RALYL: variants seen among roughly 807,000 people sequenced by gnomAD.
RALYL encodes RNA-binding Raly-like protein.
Under a neutral mutation model 35.1 loss-of-function variants are expected in RALYL, and 29 were observed. The observed-to-expected ratio is 0.83, with a 90% CI of 0.61 to 1.13. RALYL has a LOEUF of 1.13. Among genes scored for constraint, RALYL ranks in the 50% most tolerant of loss-of-function variants. The pLI, the probability that RALYL is intolerant of heterozygous loss-of-function variation, is 0.00. For missense variants in RALYL, 359 were observed against 360.4 expected, an observed-to-expected ratio of 1.00 and a Z score of 0.03; for synonymous variants, 120 against 127.6, an observed-to-expected ratio of 0.94 and a Z score of 0.40.
chr8:84,875,096 TA>T lies in RALYL; in HGVS notation c.685+1707del, dbSNP rs199693196. Among the ~76,000 whole-genome samples, 26 of 151,968 alleles carry T rather than the reference TA, an allele frequency of 1.7e-4. No homozygotes were observed. The South Asian group carries it at 2.5e-3, about 15-fold the overall frequency. On this transcript the variant is annotated intron_variant, in intron 7 of 8. Transcript: ENST00000521268. ...AGGCATACTTGCCTATACTTTTTAATAAAAAAAATAGATTTTAGAAAGTTTT... is the reference window on the plus strand; with the variant it reads ...AGGCATACTTGCCTATACTTTTTAATAAAAAAATAGATTTTAGAAAGTTTT...
At chr8:84,784,149 T>C (rs1276890570) in intron 3 of RALYL, among the ~76,000 whole-genome samples, 4 of 152,246 alleles carry the variant, frequency 2.6e-5, no homozygotes, top group African/African-American at 9.6e-5. Context: ...TGGTTGCTCC[T>C]CTAAAGCCCC....
At chr8:84,291,637 T>C (rs1838791678) in intron 1 of RALYL, among the ~76,000 whole-genome samples, 1 of 152,076 alleles carries the variant, frequency 6.6e-6, no homozygotes, top group Non-Finnish European at 1.5e-5. Context: ...TTAAATATTA[T>C]GTATATTGAT....
intron 2 of RALYL, among the ~76,000 whole-genome samples, chr8:84,622,421 A>G (rs1393915578): frequency 6.6e-6 from 1 of 152,186 alleles, no homozygotes; most frequent in Non-Finnish European, 1.5e-5. Context: ...AGGCCAGGCT[A>G]TGTTCTAAGT....
intron 1 of RALYL, among the ~76,000 whole-genome samples, chr8:84,477,007 A>G (rs1340872217): frequency 6.6e-6 from 1 of 152,264 alleles, no homozygotes; most frequent in African/African-American, 2.4e-5. Flanking sequence ...AAGGAACACA[A>G]AGTAGAGCTC....
chr8:84,707,255 CAA>C (rs759543411), intron 2 of RALYL, among the ~76,000 whole-genome samples: 10 of 152,124 alleles, frequency 6.6e-5, no homozygotes, highest in Non-Finnish European at 1.5e-4. Flanking sequence ...GATAAAGAAA[CAA>C]TATATGATAA....
intron 2 of RALYL, among the ~76,000 whole-genome samples, chr8:84,664,159 T>C (rs565659411): frequency 6.6e-6 from 1 of 152,232 alleles, no homozygotes; most frequent in South Asian, 2.1e-4. Flanking sequence ...TTCTCTATTA[T>C]GTTCCATTGG....
chr8:84,533,049 A>AT (rs1205895001), intron 2 of RALYL, among the ~76,000 whole-genome samples: 1 of 152,152 alleles, frequency 6.6e-6, no homozygotes, highest in Non-Finnish European at 1.5e-5. Context: ...GTCAGAATCT[A>AT]TCTATGAAAT....
intron 3 of RALYL, among the ~76,000 whole-genome samples, chr8:84,779,459 T>C (rs1328863976): frequency 6.6e-6 from 1 of 152,216 alleles, no homozygotes; most frequent in Non-Finnish European, 1.5e-5. Flanking sequence ...ACATGTAGTA[T>C]ATATAGTTTC....
At chr8:84,863,964 C>G (rs1838644062) in intron 6 of RALYL, among the ~76,000 whole-genome samples, 1 of 152,164 alleles carries the variant, frequency 6.6e-6, no homozygotes, top group Non-Finnish European at 1.5e-5. Flanking sequence ...AAGTTTCTAT[C>G]TCTCAAAAAG....
intron 1 of RALYL, among the ~76,000 whole-genome samples, chr8:84,502,124 T>A (rs975679899): frequency 3.9e-5 from 6 of 151,986 alleles, no homozygotes; most frequent in Non-Finnish European, 5.9e-5. Context: ...ATAGTTATAT[T>A]TCTATATGCT....
intron 1 of RALYL, among the ~76,000 whole-genome samples, chr8:84,403,340 G>A (rs906290897): frequency 1.3e-5 from 2 of 151,900 alleles, no homozygotes; most frequent in African/African-American, 4.8e-5. Flanking sequence ...TTTGGATAAG[G>A]TGTAAGGAAA....
chr8:84,215,322 ATGG>A (rs1820538316), intron 1 of RALYL, among the ~76,000 whole-genome samples: 1 of 152,176 alleles, frequency 6.6e-6, no homozygotes, highest in Non-Finnish European at 1.5e-5. Flanking sequence ...TGATTCAAAT[ATGG>A]AAACATTTTA....
intron 1 of RALYL, among the ~76,000 whole-genome samples, chr8:84,372,660 A>C (rs774211191): frequency 6.6e-6 from 1 of 151,914 alleles, no homozygotes; most frequent in Non-Finnish European, 1.5e-5. Flanking sequence ...ACTTGAGTTG[A>C]TGAGTTCCAG....
intron 1 of RALYL, among the ~76,000 whole-genome samples, chr8:84,496,189 G>A (rs1030500798): frequency 2.0e-5 from 3 of 152,046 alleles, no homozygotes; most frequent in African/African-American, 7.2e-5. Flanking sequence ...TCTACTAAAT[G>A]CTTATTCAGT....
intron 2 of RALYL, among the ~76,000 whole-genome samples, chr8:84,752,904 C>T (rs1449406233): frequency 6.6e-6 from 1 of 152,124 alleles, no homozygotes; most frequent in Non-Finnish European, 1.5e-5. Flanking sequence ...TCTACTAGGA[C>T]AGTGTAAAGG....
chr8:84,372,836 A>T (rs1448538212), intron 1 of RALYL, among the ~76,000 whole-genome samples: 2 of 134,256 alleles, frequency 1.5e-5, no homozygotes, highest in Non-Finnish European at 3.1e-5. Context: ...TTACACTCCC[A>T]CCAACAGTGT....
intron 1 of RALYL, among the ~76,000 whole-genome samples, chr8:84,299,951 A>G (rs1840463041): frequency 6.6e-6 from 1 of 151,954 alleles, no homozygotes; most frequent in African/African-American, 2.4e-5. Flanking sequence ...TTGTGTCTCA[A>G]TTACATTCAG....
chr8:84,271,754 C>A (rs1311960526), intron 1 of RALYL, among the ~76,000 whole-genome samples: 1 of 151,958 alleles, frequency 6.6e-6, no homozygotes, highest in African/African-American at 2.4e-5. Flanking sequence ...CTACATAGTA[C>A]ACTATTCCAC....
At chr8:84,537,076 A>G (rs1329597598) in intron 2 of RALYL, among the ~76,000 whole-genome samples, 1 of 151,440 alleles carries the variant, frequency 6.6e-6, no homozygotes, top group East Asian at 1.9e-4. Context: ...GATGGCTACT[A>G]TATTTGTTTT....
Sources: gnomAD v4.1 joint callset for allele counts (sites outside exome capture counted in the v4.1 genomes callset) on GRCh38, gnomAD v4.1.1 for gene constraint, MANE v1.5 for transcripts, NCBI Gene and HGNC (gene_info 2026-07-23, HGNC 2026-07-21) for gene names.